Variants in TEX11 observed in about 807,000 individuals in gnomAD.
TEX11 encodes testis-expressed protein 11.
Under a neutral mutation model 84.4 loss-of-function variants are expected in TEX11, and 7 were observed. That is an observed-to-expected ratio of 0.08 (90% CI 0.05 to 0.16). The LOEUF (loss-of-function observed/expected upper bound fraction) is 0.16. TEX11 is among the 10% of genes least tolerant of loss of function. TEX11 has a pLI of 1.00. For missense variants in TEX11, 551 were observed against 660.5 expected, an observed-to-expected ratio of 0.83 and a Z score of 1.82; for synonymous variants, 264 against 222.8, an observed-to-expected ratio of 1.18 and a Z score of -1.64.
intron 8 of TEX11, among the ~76,000 whole-genome samples, chrX:70,824,978 C>T (rs1487103715): frequency 1.8e-5 from 2 of 111,118 alleles, no homozygotes; most frequent in East Asian, 2.8e-4. Context: ...CGACACTCTC[C>T]CAGAATTTAG....
intron 11 of TEX11, among the ~76,000 whole-genome samples, chrX:70,734,529 ATACT>A (rs1051937116): frequency 2.4e-4 from 27 of 111,853 alleles, no homozygotes; most frequent in Admixed American, 2.4e-3. Flanking sequence ...ACTCTAGGTA[ATACT>A]TACACAAGCT....
chrX:70,560,203 T>C (rs1310018041), intron 25 of TEX11, among the ~76,000 whole-genome samples: 2 of 108,547 alleles, frequency 1.8e-5, no homozygotes, highest in African/African-American at 6.7e-5. Flanking sequence ...CAGGCTGGAG[T>C]GCAAAGGCGT....
In TEX11 at chrX:70,880,120, A is replaced by G. The variant is rs1279053400; in HGVS notation, c.38-11T>C. 1.7e-6 allele frequency: 2 copies of G among 1,162,325 alleles called. No individual in the cohort carries two copies. The highest frequency in any genetic ancestry group is 2.3e-6 in the Non-Finnish European group (2 of 864,624). On this transcript the variant is annotated splice_polypyrimidine_tract_variant and intron_variant, in intron 2 of 29. Coordinates refer to ENST00000374333, the MANE Select transcript of TEX11 (RefSeq NM_031276.3). ...GGTTTTCAACAACTTCTGAAATGAC[A>G]ATGGATGATAAATGTGCTGTGAACT...
intron 4 of TEX11, among the ~76,000 whole-genome samples, chrX:70,865,907 T>C (rs149956070): frequency 0.025 from 2,755 of 111,479 alleles, 45 homozygotes; most frequent in Middle Eastern, 0.041. Flanking sequence ...AGTGGGAAAT[T>C]TACAGCACTA....
At chrX:70,877,034 C>A (rs754255108) in intron 3 of TEX11, among the ~76,000 whole-genome samples, 10 of 111,873 alleles carry the variant, frequency 8.9e-5, no homozygotes, top group Non-Finnish European at 1.7e-4. Flanking sequence ...TGGCTCACAC[C>A]TGTAATCCCA....
At chrX:70,699,735 GTCATCATCA>G (rs758637956) in intron 13 of TEX11, among the ~76,000 whole-genome samples, 4 of 110,171 alleles carry the variant, frequency 3.6e-5, no homozygotes, top group East Asian at 5.7e-4. Context: ...TCTGTTTATG[GTCATCATCA>G]TCATCATCAT....
intron 8 of TEX11, among the ~76,000 whole-genome samples, chrX:70,833,279 AAAAAG>A (rs201329658): frequency 2.6e-3 from 269 of 103,345 alleles, no homozygotes; most frequent in African/African-American, 5.4e-3. Context: ...CAGAAAAAAA[AAAAAG>A]AAAAGAAAAG....
intron 13 of TEX11, among the ~76,000 whole-genome samples, chrX:70,688,449 G>A (rs1158504617): frequency 9.0e-6 from 1 of 111,003 alleles, no homozygotes; most frequent in Non-Finnish European, 1.9e-5. Flanking sequence ...AAGACATAGA[G>A]GAACCTGAAA....
At chrX:70,619,607 T>C (rs1215027122) in intron 20 of TEX11, among the ~76,000 whole-genome samples, 2 of 111,907 alleles carry the variant, frequency 1.8e-5, no homozygotes, top group African/African-American at 6.5e-5. Flanking sequence ...AAGCAAAAGA[T>C]GATATTGTCT....
intron 25 of TEX11, among the ~76,000 whole-genome samples, chrX:70,561,868 A>G (rs999984243): frequency 3.6e-5 from 4 of 112,443 alleles, no homozygotes; most frequent in Non-Finnish European, 5.6e-5. Context: ...GGTAACAATT[A>G]ATGTAAATTA....
intron 11 of TEX11, among the ~76,000 whole-genome samples, chrX:70,736,042 TC>T (rs2090693451): frequency 9.0e-6 from 1 of 111,549 alleles, no homozygotes; most frequent in South Asian, 3.8e-4. Context: ...AAATATGTTC[TC>T]CCATTCTGTT....
At chrX:70,872,897 T>C (rs2091636621) in intron 4 of TEX11, among the ~76,000 whole-genome samples, 1 of 112,049 alleles carries the variant, frequency 8.9e-6, no homozygotes, top group Non-Finnish European at 1.9e-5. Context: ...ATTTTGATCA[T>C]CTCCATGAGA....
rs374276917 is a variant in TEX11, at chrX:70,618,302, C to A, written c.1751+5648G>T. Among the ~76,000 whole-genome samples, 7 of 111,231 alleles carry A rather than the reference C, an allele frequency of 6.3e-5. No homozygotes were observed. The South Asian group carries it at 1.9e-3, about 31-fold the overall frequency. On this transcript the variant is annotated intron_variant, in intron 20 of 29. Coordinates refer to ENST00000374333, the MANE Select transcript of TEX11 (RefSeq NM_031276.3). ...GCATTAATGTAGGACATGTTGATAT[C>A]CATCAGAAGAATCCCCTTCCAGGTT... is the stretch of plus-strand genomic sequence containing the variant.
At chrX:70,592,097 G>T (rs1400764011) in intron 24 of TEX11, among the ~76,000 whole-genome samples, 1 of 111,328 alleles carries the variant, frequency 9.0e-6, no homozygotes, top group Admixed American at 9.6e-5. Flanking sequence ...CTTCTAGAAT[G>T]GTTGTGTGAG....
intron 7 of TEX11, among the ~76,000 whole-genome samples, chrX:70,845,882 G>A (rs1452050652): frequency 9.0e-6 from 1 of 110,921 alleles, no homozygotes; most frequent in Non-Finnish European, 1.9e-5. Flanking sequence ...TCACTTAAGA[G>A]CCTCTCCTCC....
intron 11 of TEX11, among the ~76,000 whole-genome samples, chrX:70,730,961 C>T (rs1237409158): frequency 1.8e-5 from 2 of 112,126 alleles, no homozygotes; most frequent in Non-Finnish European, 3.8e-5. Flanking sequence ...GTCTCTCAGA[C>T]CACAGTGCAA....
Position 70,574,394 on chromosome X carries a change from C to T in TEX11, c.2140+17357G>A, listed in dbSNP as rs192284977. Among the ~76,000 whole-genome samples the T allele has an allele frequency of 5.4e-4, 60 of 111,340 alleles. 1 individual carries two copies. Among genetic ancestry groups the T allele is most frequent in the Middle Eastern group, 4.6e-3 (1 of 216 alleles). On this transcript the variant is annotated intron_variant, in intron 25 of 29. Coordinates refer to ENST00000374333, the MANE Select transcript of TEX11 (RefSeq NM_031276.3). ...CTTCCCCTTAAATTTCCTTTTTCAC[C>T]CCTGGAAACCTGCCCTTCTCTGCTC...
At chrX:70,526,835 G>A (rs1464325537), downstream of TEX11, among the ~76,000 whole-genome samples, 1 of 110,942 alleles carries the variant, frequency 9.0e-6, no homozygotes, top group East Asian at 2.8e-4. Context: ...GTCTGGCACA[G>A]GGAAAGTACA....
chrX:70,692,526 A>T (rs1603223535), intron 13 of TEX11, among the ~76,000 whole-genome samples: 1 of 111,047 alleles, frequency 9.0e-6, no homozygotes, highest in East Asian at 2.8e-4. Flanking sequence ...ATCACACAGT[A>T]TTTGTCTTGT....
Sources: gnomAD v4.1 joint callset for allele counts (sites outside exome capture counted in the v4.1 genomes callset) on GRCh38, gnomAD v4.1.1 for gene constraint, MANE v1.5 for transcripts, NCBI Gene and HGNC (gene_info 2026-07-23, HGNC 2026-07-21) for gene names.